The following RBFOX3 variants were observed in gnomAD, a reference collection of about 807,000 sequenced individuals.
RBFOX3 encodes the protein RNA binding fox-1 homolog 3, also known as RNA binding protein fox-1 homolog 3.
Under a neutral mutation model 48.7 loss-of-function variants are expected in RBFOX3, and 17 were observed. The ratio of observed to expected loss-of-function variants is 0.35; its 90% confidence interval spans 0.24 to 0.52. The LOEUF (loss-of-function observed/expected upper bound fraction) is 0.52. Ranked by LOEUF, RBFOX3 falls within the 20% of genes least tolerant of loss-of-function variation. The probability of loss-of-function intolerance (pLI) is 0.94; values close to 1 mark genes in which losing one functional copy is unlikely to be tolerated. For missense variants in RBFOX3, 382 were observed against 497.5 expected, an observed-to-expected ratio of 0.77 and a Z score of 2.21; for synonymous variants, 212 against 209.5, an observed-to-expected ratio of 1.01 and a Z score of -0.10.
intron 1 of RBFOX3, among the ~76,000 whole-genome samples, chr17:79,580,659 T>C (rs2093029640): frequency 6.6e-6 from 1 of 152,170 alleles, no homozygotes; most frequent in African/African-American, 2.4e-5. Flanking sequence ...TTGCTCATGC[T>C]ATGTTCCTAT....
intron 5 of RBFOX3, among the ~76,000 whole-genome samples, chr17:79,107,444 C>A (rs143563843): frequency 6.6e-6 from 1 of 152,218 alleles, no homozygotes; most frequent in East Asian, 1.9e-4. Context: ...AGACTTGGGT[C>A]TCAGGAAACA....
chr17:79,410,970 G>A (rs1329908715), intron 2 of RBFOX3, among the ~76,000 whole-genome samples: 1 of 152,184 alleles, frequency 6.6e-6, no homozygotes, highest in Non-Finnish European at 1.5e-5. Flanking sequence ...ACACGGCTGG[G>A]CTGGGCATCT....
intron 1 of RBFOX3, among the ~76,000 whole-genome samples, chr17:79,523,729 G>A (rs2150017109): frequency 6.6e-6 from 1 of 152,314 alleles, no homozygotes; most frequent in African/African-American, 2.4e-5. Flanking sequence ...ACAACCCCGT[G>A]GGGTAGAAGG....
rs916676289 is a variant in RBFOX3, at chr17:79,199,588, G to C, written c.-34+36178C>G. ...CCTAGAACACACTGGTTTGGTCCCA[G>C]TTCAAGAAGTAATTAGATATGCTCT... On this transcript the variant is annotated intron_variant, in intron 4 of 14. Transcript: ENST00000693108. This position sits in a 1 kb window ranked among gnomAD's most constrained non-coding sequence, Gnocchi z 5.1. Among the ~76,000 whole-genome samples the C allele has an allele frequency of 1.3e-4, 20 of 152,212 alleles. No individual in the cohort carries two copies. Among genetic ancestry groups the C allele is most frequent in the Non-Finnish European group, 2.8e-4 (19 of 68,040 alleles).
intron 2 of RBFOX3, among the ~76,000 whole-genome samples, chr17:79,334,373 T>C (rs1414769632): frequency 1.3e-5 from 2 of 152,208 alleles, no homozygotes; most frequent in African/African-American, 4.8e-5. Flanking sequence ...CCACTCCTCA[T>C]GCTCCGTAGG....
chr17:79,561,687 ACT>A, intron 1 of RBFOX3, among the ~76,000 whole-genome samples: 1 of 152,012 alleles, frequency 6.6e-6, no homozygotes, highest in East Asian at 1.9e-4. Flanking sequence ...CTCACAGCAA[ACT>A]CTGCAAAAGG....
chr17:79,620,465 G>GCA, the RBFOX3 span, among the ~76,000 whole-genome samples: 2 of 133,800 alleles, frequency 1.5e-5, no homozygotes, highest in Non-Finnish European at 3.2e-5. Flanking sequence ...GCACACACAT[G>GCA]CACACGTGCA....
intron 2 of RBFOX3, among the ~76,000 whole-genome samples, chr17:79,330,560 G>A (rs537993734): frequency 1.0e-4 from 4 of 39,100 alleles, no homozygotes; most frequent in South Asian, 1.7e-3. Flanking sequence ...TTACAGAGGC[G>A]GGGTTTTCAG....
chr17:79,607,516 C>G (rs892854136), intron 1 of RBFOX3, among the ~76,000 whole-genome samples: 1 of 152,164 alleles, frequency 6.6e-6, no homozygotes, highest in South Asian at 2.1e-4. Flanking sequence ...TACTGCCCCC[C>G]ACCCCCTACC....
intron 4 of RBFOX3, among the ~76,000 whole-genome samples, chr17:79,160,481 G>A (rs1252513446): frequency 6.6e-6 from 1 of 152,212 alleles, no homozygotes; most frequent in South Asian, 2.1e-4. Context: ...TCCCCCGTAT[G>A]TGGGGCGGTC....
chr17:79,393,693 C>T (rs755882386), intron 2 of RBFOX3, among the ~76,000 whole-genome samples: 55 of 150,854 alleles, frequency 3.6e-4, no homozygotes, highest in Non-Finnish European at 2.2e-4. Flanking sequence ...TCGTCTGAGC[C>T]GGTCATCACG....
chr17:79,204,844 C>T lies in RBFOX3; in HGVS notation c.-34+30922G>A, dbSNP rs895633015. Among the ~76,000 whole-genome samples the T allele has an allele frequency of 3.3e-5, 5 of 152,138 alleles. No homozygotes were observed. Among genetic ancestry groups the T allele is most frequent in the Admixed American group, 6.5e-5 (1 of 15,280 alleles). On this transcript the variant is annotated intron_variant, in intron 4 of 14. Transcript: ENST00000693108. This position sits in a 1 kb window ranked among gnomAD's most constrained non-coding sequence, Gnocchi z 4.5. ...GAGGCAAGTTGGAATTAAATACCAC[C>T]GTGGTCAGCCAGGCTTTGGAGATGA...
intron 2 of RBFOX3, among the ~76,000 whole-genome samples, chr17:79,432,987 G>A (rs1196463499): frequency 6.6e-6 from 1 of 152,114 alleles, no homozygotes; most frequent in Non-Finnish European, 1.5e-5. Flanking sequence ...CCCTACCCCA[G>A]CATTAATTAA....
At chr17:79,321,961 C>T (rs955649114) in intron 2 of RBFOX3, among the ~76,000 whole-genome samples, 7 of 152,300 alleles carry the variant, frequency 4.6e-5, no homozygotes, top group African/African-American at 1.7e-4. Context: ...CCGCCTTGGC[C>T]TCCCAGAGTG....
intron 3 of RBFOX3, among the ~76,000 whole-genome samples, chr17:79,279,808 G>T (rs1434571571): frequency 6.6e-6 from 1 of 152,192 alleles, no homozygotes; most frequent in East Asian, 1.9e-4. Flanking sequence ...CTCAGGAAAG[G>T]GGATGCAGGT....
chr17:79,613,800 G>A (rs1282131203), upstream of RBFOX3, among the ~76,000 whole-genome samples: 8 of 152,094 alleles, frequency 5.3e-5, no homozygotes, highest in African/African-American at 7.2e-5. Context: ...ATGGTGAAAC[G>A]CCGTCTCTAC....
chr17:79,551,389 T>C (rs1004831628), intron 1 of RBFOX3, among the ~76,000 whole-genome samples: 3 of 151,812 alleles, frequency 2.0e-5, no homozygotes, highest in Admixed American at 6.6e-5. Flanking sequence ...ATGTTGGAGG[T>C]GGGGCCTGGT....
intron 2 of RBFOX3, among the ~76,000 whole-genome samples, chr17:79,381,421 G>A (rs1413587088): frequency 6.6e-6 from 1 of 152,164 alleles, no homozygotes; most frequent in African/African-American, 2.4e-5. Context: ...TTGAAGCCCA[G>A]CGCGTGTGTC....
intron 4 of RBFOX3, among the ~76,000 whole-genome samples, chr17:79,116,854 T>TTG (rs1361173122): frequency 6.6e-6 from 1 of 152,212 alleles, no homozygotes; most frequent in Non-Finnish European, 1.5e-5. Context: ...AGGGCAGTGG[T>TTG]TGTCAAAGTG....
Sources: gnomAD v4.1 joint callset for allele counts (sites outside exome capture counted in the v4.1 genomes callset) on GRCh38, gnomAD v4.1.1 for gene constraint, Gnocchi (gnomAD v3.1) non-coding constraint, MANE v1.5 for transcripts, NCBI Gene and HGNC (gene_info 2026-07-23, HGNC 2026-07-21) for gene names.